Variants in ARNT2 observed in about 807,000 individuals in gnomAD.
The protein encoded by ARNT2 is aryl hydrocarbon receptor nuclear translocator 2.
A neutral mutation model predicts 91.7 loss-of-function variants in ARNT2; 36 were observed. The ratio of observed to expected loss-of-function variants is 0.39; its 90% CI spans 0.30 to 0.52. The LOEUF is 0.52. Ranked by LOEUF, ARNT2 falls within the 20% of genes least tolerant of loss-of-function variation. The pLI is 0.72. For synonymous variants in ARNT2, 365 were observed against 347.1 expected, an observed-to-expected ratio of 1.05 and a Z score of -0.57; for missense variants, 775 against 939.3, an observed-to-expected ratio of 0.83 and a Z score of 2.29.
chr15:80,435,670 C>T (rs1477944104), intron 1 of ARNT2, among the ~76,000 whole-genome samples: 2 of 152,294 alleles, frequency 1.3e-5, no homozygotes, highest in African/African-American at 4.8e-5. Flanking sequence ...AAGGCCATTA[C>T]CGGCTTAGAA....
intron 1 of ARNT2, among the ~76,000 whole-genome samples, chr15:80,424,982 GA>G (rs1895913172): frequency 6.6e-6 from 1 of 152,212 alleles, no homozygotes; most frequent in Non-Finnish European, 1.5e-5. Context: ...AAAAGGGGTT[GA>G]AGTTGAAGGA....
intron 8 of ARNT2, among the ~76,000 whole-genome samples, chr15:80,535,497 TG>T (rs1897806361): frequency 6.6e-6 from 1 of 152,258 alleles, no homozygotes; most frequent in Non-Finnish European, 1.5e-5. Flanking sequence ...TCTTCATTAG[TG>T]AAATTGAGCA....
At chr15:80,568,022 G>A (rs927984665) in intron 12 of ARNT2, among the ~76,000 whole-genome samples, 47 of 152,320 alleles carry the variant, frequency 3.1e-4, no homozygotes, top group African/African-American at 1.0e-3. Context: ...GTTGCTTTCA[G>A]TCAAAAGCAT....
At chr15:80,473,470 G>A (rs1896761272) in intron 4 of ARNT2, among the ~76,000 whole-genome samples, 1 of 152,142 alleles carries the variant, frequency 6.6e-6, no homozygotes, top group African/African-American at 2.4e-5. Context: ...AAAGAATTCT[G>A]TACTTCCCCA....
At chr15:80,452,160 G>A (rs1025113208) in intron 2 of ARNT2, among the ~76,000 whole-genome samples, 1 of 152,240 alleles carries the variant, frequency 6.6e-6, no homozygotes, top group Non-Finnish European at 1.5e-5. Context: ...ACTGTTATGT[G>A]TGTTGTATAG....
chr15:80,596,151 G>A lies in ARNT2; in HGVS notation c.*2453G>A, dbSNP rs200244818. The A allele has an allele frequency of 6.6e-6, 1 of 152,328 alleles. No homozygotes were observed. Among genetic ancestry groups the A allele is most frequent in the African/African-American group, 2.4e-5 (1 of 41,562 alleles). 9.4% of individuals were successfully genotyped at this position (152,328 alleles called of 1,614,324 possible). ...GCAACAAAATTAGGAGAGGATCCTT[G>A]CTCCCAACGTCTACTTCTCCTACCT... On this transcript the variant is annotated 3_prime_UTR_variant, in exon 19 of 19. Coordinates refer to ENST00000303329, the MANE Select transcript of ARNT2 (RefSeq NM_014862.4).
At chr15:80,520,601 A>G (rs1002411859) in intron 8 of ARNT2, among the ~76,000 whole-genome samples, 2 of 152,144 alleles carry the variant, frequency 1.3e-5, no homozygotes, top group African/African-American at 2.4e-5. Flanking sequence ...ACCAACAGAC[A>G]TACAAAAGGA....
intron 1 of ARNT2, among the ~76,000 whole-genome samples, chr15:80,414,763 CTCTCTT>C (rs1567173786): frequency 1.9e-4 from 28 of 146,926 alleles, no homozygotes; most frequent in South Asian, 4.3e-4. Flanking sequence ...TGTGTTCTCT[CTCTCTT>C]TTTTTTTTTT....
Position 80,404,545 on chromosome 15 carries a change from G to A in ARNT2, c.30G>A (p.Pro10=). The change falls in exon 1 of 19, where the codon CCG becomes CCA. Residue 10 remains proline (P), a splice_region_variant and synonymous_variant. Transcript: ENST00000303329. This position sits in a 1 kb window ranked among gnomAD's most constrained non-coding sequence, Gnocchi z 5.5. MATPAAVNP[P]EMASDIPGSV... ...CAACCCCGGCGGCGGTCAACCCTCC[G>A]GGTGAGTAGCGGCCTGGGCCCCGCC... 1 of 1,189,136 alleles carries A rather than the reference G, an allele frequency of 8.4e-7. No individual in the cohort carries two copies. The highest frequency in any genetic ancestry group is 1.8e-5 in the South Asian group (1 of 55,406). 73.7% of individuals were successfully genotyped at this position (1,189,136 alleles called of 1,614,324 possible).
intron 8 of ARNT2, among the ~76,000 whole-genome samples, chr15:80,532,951 A>G (rs75086602): frequency 0.027 from 4,170 of 152,296 alleles, 187 homozygotes; most frequent in African/African-American, 0.095. Context: ...AGCAGGAAGA[A>G]GAGGAGAGAG....
At chr15:80,574,956 T>C (rs1898644358) in intron 13 of ARNT2, 31 bp from the exon 14 acceptor site, 1 of 1,608,952 alleles carries the variant, frequency 6.2e-7, no homozygotes, top group South Asian at 1.1e-5. Context: ...ACGCATGAGT[T>C]GCTGTTGTGT....
At chr15:80,429,218 C>T (rs556916186) in intron 1 of ARNT2, among the ~76,000 whole-genome samples, 1 of 152,306 alleles carries the variant, frequency 6.6e-6, no homozygotes, top group Admixed American at 6.5e-5. Flanking sequence ...GCTGGGGCCC[C>T]TAGACAGCTT....
intron 3 of ARNT2, among the ~76,000 whole-genome samples, chr15:80,468,954 G>A (rs1382227564): frequency 2.6e-5 from 4 of 152,188 alleles, no homozygotes; most frequent in Admixed American, 6.5e-5. Flanking sequence ...TGACTGGCAC[G>A]TCTGTTCCCC....
chr15:80,524,994 C>T (rs1308311821), intron 8 of ARNT2, among the ~76,000 whole-genome samples: 3 of 152,054 alleles, frequency 2.0e-5, no homozygotes, highest in Non-Finnish European at 4.4e-5. Flanking sequence ...TGTATCTATG[C>T]GTTGAAAAAT....
chr15:80,490,419 G>A (rs1489481986), intron 5 of ARNT2, among the ~76,000 whole-genome samples: 1 of 152,254 alleles, frequency 6.6e-6, no homozygotes, highest in African/African-American at 2.4e-5. Flanking sequence ...ACCTGCAGCA[G>A]CTAGGAGAGG....
rs1178947867 is a variant in ARNT2 at position 80,457,987 on chromosome 15, T to C, written c.194+11T>C. 1 of 1,611,562 alleles carries C rather than the reference T, an allele frequency of 6.2e-7. No individual in the cohort carries two copies. Among genetic ancestry groups the C allele is most frequent in the Non-Finnish European group, 8.5e-7 (1 of 1,177,892 alleles). On this transcript the variant is annotated intron_variant, in intron 3 of 18. Coordinates refer to ENST00000303329, the MANE Select transcript of ARNT2 (RefSeq NM_014862.4). ...CAGTAAATTTTCAAGGTAAGTTTAT[T>C]TTATTTTCCTTAGACTTAAAGAAGG...
rs576671062 is a variant in ARNT2 at position 80,584,637 on chromosome 15, C to T, written c.1918+3233C>T. On this transcript the variant is annotated intron_variant, in intron 17 of 18. Transcript: ENST00000303329. ...ACACAAAGCAGGCTTAAAAAACAGGCCGTGTTTACATTTGCAATGGACACA... is the reference window on the plus strand; with the variant it reads ...ACACAAAGCAGGCTTAAAAAACAGGTCGTGTTTACATTTGCAATGGACACA... 4.6e-5 allele frequency among the ~76,000 whole-genome samples: 7 copies of T among 152,336 alleles called. No homozygotes were observed. The South Asian group carries it at 1.4e-3, about 32-fold the overall frequency.
chr15:80,404,614 A>G lies in ARNT2; in HGVS notation c.31+68A>G. Reference sequence around the variant, plus strand: ...GCCTTGCCCGGGGCCGGAGCGGACCAGGCGCGCCGGGCGCCCCCGGGGGCG... The same window carrying G: ...GCCTTGCCCGGGGCCGGAGCGGACCGGGCGCGCCGGGCGCCCCCGGGGGCG... On this transcript the variant is annotated intron_variant, in intron 1 of 18. Transcript: ENST00000303329. The surrounding 1 kb of genome is among the most constrained non-coding windows in gnomAD (Gnocchi z 5.5). The G allele has an allele frequency of 1.0e-6, 1 of 998,534 alleles. No homozygotes were observed. Among genetic ancestry groups the G allele is most frequent in the Non-Finnish European group, 1.2e-6 (1 of 834,890 alleles). 61.9% of individuals were successfully genotyped at this position (998,534 alleles called of 1,614,324 possible).
chr15:80,508,669 A>G (rs926222452), intron 6 of ARNT2, among the ~76,000 whole-genome samples: 6 of 152,192 alleles, frequency 3.9e-5, no homozygotes, highest in Non-Finnish European at 7.3e-5. Flanking sequence ...CTTGGTCTCT[A>G]TGATATTGTT....
Sources: gnomAD v4.1 joint callset for allele counts (sites outside exome capture counted in the v4.1 genomes callset) on GRCh38, gnomAD v4.1.1 for gene constraint, Gnocchi (gnomAD v3.1) non-coding constraint, MANE v1.5 for transcripts, NCBI Gene and HGNC (gene_info 2026-07-23, HGNC 2026-07-21) for gene names.